Variants in DNM3 observed in about 807,000 individuals in gnomAD.
The protein encoded by DNM3 is dynamin-3.
In DNM3, 47 loss-of-function variants were observed where a neutral mutation model predicts 101.6. The observed-to-expected ratio is 0.46, with a 90% CI of 0.37 to 0.59. The LOEUF is 0.59. Ranked by LOEUF, DNM3 falls within the 20% of genes least tolerant of loss-of-function variation. The pLI, the probability that DNM3 is intolerant of heterozygous loss-of-function variation, is 0.00. For missense variants in DNM3, 849 were observed against 1,085.7 expected (o/e 0.78, Z 3.06); for synonymous variants, 385 against 387.9 (o/e 0.99, Z 0.09).
intron 17 of DNM3, among the ~76,000 whole-genome samples, chr1:172,354,419 A>G (rs2067349624): frequency 6.6e-6 from 1 of 151,598 alleles, no homozygotes; most frequent in Admixed American, 6.6e-5. Flanking sequence ...CACTGCAAAT[A>G]GCACCAACTT....
intron 20 of DNM3, among the ~76,000 whole-genome samples, chr1:172,398,452 G>C (rs2070198851): frequency 6.6e-6 from 1 of 152,196 alleles, no homozygotes; most frequent in Non-Finnish European, 1.5e-5. Context: ...GTTGCTTTGA[G>C]ATCCCCTGGT....
At chr1:172,144,220 C>G (rs1242864239) in intron 14 of DNM3, 1 of 151,602 alleles carries the variant, frequency 6.6e-6, no homozygotes, top group Non-Finnish European at 1.5e-5. Flanking sequence ...CGCTATATAC[C>G]ACACACTTTT....
At chr1:171,992,680 T>C (rs1292311227) in intron 4 of DNM3, among the ~76,000 whole-genome samples, 3 of 152,034 alleles carry the variant, frequency 2.0e-5, no homozygotes, top group Admixed American at 2.0e-4. Flanking sequence ...TATATGGTGG[T>C]CCCAAGAGGA....
rs557868892 is a variant in DNM3, at chr1:172,319,477, T to A, written c.1882-3852T>A. 4.8e-3 allele frequency among the ~76,000 whole-genome samples: 731 copies of A among 152,152 alleles called. 4 individuals are homozygous for A. Among genetic ancestry groups the A allele is most frequent in the African/African-American group, 0.017 (690 of 41,508 alleles). ...AAATGGGAGAAAATTTTTGCAACCTTCTCATCTGACAAAGGGCTAATATCC... is the reference window on the plus strand; with the variant it reads ...AAATGGGAGAAAATTTTTGCAACCTACTCATCTGACAAAGGGCTAATATCC... On this transcript the variant is annotated intron_variant, in intron 16 of 20. Coordinates refer to ENST00000627582, the MANE Select transcript of DNM3 (RefSeq NM_015569.5).
intron 14 of DNM3, among the ~76,000 whole-genome samples, chr1:172,177,413 G>A (rs1037811022): frequency 6.6e-6 from 1 of 151,812 alleles, no homozygotes; most frequent in Non-Finnish European, 1.5e-5. Context: ...TGGGAAAAAA[G>A]ACATGGTATA....
chr1:172,379,147 A>T lies in DNM3; in HGVS notation c.2023A>T (p.Ile675Phe), dbSNP rs2068759758. The change falls in exon 18 of 21, where the codon ATT becomes TTT. Residue 675 changes from isoleucine (I) to phenylalanine (F), a missense_variant. Physicochemically the swap from Ile to Phe is conservative, Grantham distance 21. Around this residue, in one of 5 missense-constraint regions of DNM3, gnomAD observed 256 missense variants for 311.7 expected, o/e 0.82. Transcript: ENST00000627582. ...SIINKCIRDL[I>F]PKTIMHLMIN... ...TATCAACAAATGTATCCGAGATCTA[A>T]TTCCAAAAACAATAATGCACCTTAT... is the stretch of plus-strand genomic sequence containing the variant. 6.2e-7 allele frequency: 1 copy of T among 1,610,688 alleles called. No individual in the cohort carries two copies. The highest frequency in any genetic ancestry group is 8.5e-7 in the Non-Finnish European group (1 of 1,178,220).
At chr1:171,972,748 A>G (rs960214200) in intron 2 of DNM3, among the ~76,000 whole-genome samples, 2 of 152,026 alleles carry the variant, frequency 1.3e-5, no homozygotes, top group African/African-American at 4.8e-5. Context: ...ACTTGGGAGG[A>G]TGAGGCAGGA....
intron 2 of DNM3, among the ~76,000 whole-genome samples, chr1:171,965,760 G>T (rs1477342206): frequency 6.6e-6 from 1 of 152,018 alleles, no homozygotes; most frequent in Non-Finnish European, 1.5e-5. Flanking sequence ...TTTTTATGGA[G>T]GTTCATTATA....
At chr1:171,871,047 A>G (rs562706290) in intron 1 of DNM3, among the ~76,000 whole-genome samples, 1 of 152,232 alleles carries the variant, frequency 6.6e-6, no homozygotes, top group Non-Finnish European at 1.5e-5. Context: ...AAGATGTGCT[A>G]AAGAGGCAAG....
Position 172,112,521 on chromosome 1 carries a change from C to T in DNM3, c.1546-18654C>T, listed in dbSNP as rs1186500063. Reference sequence around the variant, plus strand: ...TCTTAAATCTGAGTGATTCTTTCATCACAGTGACCCTGGCCCTGAACCTCT... The same window carrying T: ...TCTTAAATCTGAGTGATTCTTTCATTACAGTGACCCTGGCCCTGAACCTCT... On this transcript the variant is annotated intron_variant, in intron 13 of 20. Transcript: ENST00000627582. Among the ~76,000 whole-genome samples, 3 of 152,206 alleles carry T rather than the reference C, an allele frequency of 2.0e-5. No individual in the cohort carries two copies. The East Asian group carries it at 5.8e-4, about 29-fold the overall frequency.
chr1:171,963,832 C>T (rs1401989105), intron 2 of DNM3, among the ~76,000 whole-genome samples: 2 of 151,340 alleles, frequency 1.3e-5, no homozygotes, highest in African/African-American at 4.9e-5. Context: ...AAGCTGTTTA[C>T]CATGTAAACC....
chr1:172,387,423 C>G (rs1455168626), intron 19 of DNM3, 64 bp downstream of exon 19: 2 of 1,365,916 alleles, frequency 1.5e-6, no homozygotes, highest in Non-Finnish European at 1.0e-6. Context: ...TTTGAGAGGC[C>G]GAGGCGGGCG....
chr1:172,330,998 C>A (rs1014949835), intron 17 of DNM3, among the ~76,000 whole-genome samples: 2 of 152,114 alleles, frequency 1.3e-5, no homozygotes, highest in African/African-American at 4.8e-5. Context: ...TCTGCCTGTG[C>A]AAATATGTTA....
At chr1:172,057,424 A>G (rs2050736534) in intron 10 of DNM3, among the ~76,000 whole-genome samples, 1 of 152,290 alleles carries the variant, frequency 6.6e-6, no homozygotes. Context: ...GAAGGAAAAA[A>G]TGTTAAGGGC....
chr1:172,006,992 T>C (rs1667146863), intron 4 of DNM3, among the ~76,000 whole-genome samples: 1 of 152,160 alleles, frequency 6.6e-6, no homozygotes, highest in Admixed American at 6.6e-5. Flanking sequence ...TTTCAGTAGT[T>C]CATTTTTTTA....
intron 17 of DNM3, among the ~76,000 whole-genome samples, chr1:172,375,004 T>G (rs1558059519): frequency 6.6e-6 from 1 of 152,090 alleles, no homozygotes; most frequent in Non-Finnish European, 1.5e-5. Context: ...ATTTAAAATT[T>G]CTTTACAGTT....
At chr1:172,154,729 C>T (rs2058271645) in intron 14 of DNM3, among the ~76,000 whole-genome samples, 1 of 152,038 alleles carries the variant, frequency 6.6e-6, no homozygotes, top group Admixed American at 6.6e-5. Context: ...TTAGCTATCT[C>T]AGTGGAATGG....
intron 7 of DNM3, among the ~76,000 whole-genome samples, chr1:172,041,212 G>T (rs966214563): frequency 3.3e-5 from 5 of 152,096 alleles, no homozygotes; most frequent in African/African-American, 1.2e-4. Context: ...GGTGTGAGGA[G>T]GAAGAGCTCA....
chr1:172,131,133 T>C lies in DNM3; in HGVS notation c.1546-42T>C. The stretch of plus-strand genomic sequence containing the variant: ...CAAGACATCTAATCTCCAGTGGCTT[T>C]TGTTAAACTAAACACCTCTGCTGAT... On this transcript the variant is annotated intron_variant, in intron 13 of 20. Transcript: ENST00000627582. 3 of 1,577,824 alleles carry C rather than the reference T, an allele frequency of 1.9e-6. No homozygotes were observed. The South Asian group carries it at 3.4e-5, about 18-fold the overall frequency.
Sources: allele counts gnomAD v4.1 joint callset (sites outside exome capture counted in the v4.1 genomes callset), GRCh38; gene constraint gnomAD v4.1.1; regional missense constraint gnomAD v4.1.1; transcripts MANE v1.5; gene names NCBI Gene and HGNC (gene_info 2026-07-23, HGNC 2026-07-21).